FAT4: variants seen among roughly 807,000 people sequenced by gnomAD.
FAT4 encodes the protein protocadherin Fat 4.
Under a neutral mutation model 303.9 loss-of-function variants are expected in FAT4, and 84 were observed. The ratio of observed to expected loss-of-function variants is 0.28; its 90% CI spans 0.23 to 0.33. The LOEUF is 0.33. Among genes scored for constraint, FAT4 ranks in the 10% least tolerant of loss-of-function variants. FAT4 has a pLI of 1.00. For missense variants in FAT4, 6,005 were observed against 6,146.8 expected (o/e 0.98, Z 0.77); for synonymous variants, 2,307 against 2,298.8 (o/e 1.00, Z -0.10).
At chr4:125,468,419 A>T (rs1220380980) in intron 11 of FAT4, 93 bp from the exon 12 acceptor site, 1 of 917,622 alleles carries the variant, frequency 1.1e-6, no homozygotes, top group Non-Finnish European at 1.5e-6. Flanking sequence ...GTTAAAAGAT[A>T]TCTCATTTTA....
Position 125,449,983 on chromosome 4 carries a change from C to A in FAT4, c.8973C>A (p.Phe2991Leu), listed in dbSNP as rs1725990361. ...NAPQFLKSKYFTPVTKNVKVG... is the reference protein window; with the variant it reads ...NAPQFLKSKYLTPVTKNVKVG... Reference sequence around the variant, plus strand: ...CTCAATTTCTTAAAAGTAAATATTTCACTCCAGTCACCAAAAATGTTAAGG... The same window carrying A: ...CTCAATTTCTTAAAAGTAAATATTTAACTCCAGTCACCAAAAATGTTAAGG... The change falls in exon 10 of 18, where the codon TTC (phenylalanine) becomes TTA (leucine). Residue 2991 changes from phenylalanine to leucine, a missense_variant. By Grantham distance (22) the Phe-to-Leu change is conservative. Coordinates refer to ENST00000394329, the MANE Select transcript of FAT4 (RefSeq NM_001291303.3). 2.5e-6 allele frequency: 4 copies of A among 1,613,788 alleles called. No individual in the cohort carries two copies. Among genetic ancestry groups the A allele is most frequent in the Non-Finnish European group, 3.4e-6 (4 of 1,179,894 alleles).
Position 125,452,266 on chromosome 4 carries a change from G to A in FAT4, c.11256G>A (p.Leu3752=), listed in dbSNP as rs372230232. ...CAGGCTTAGGGACTGCTGTGCAACT[G>A]TACAGTGCATATGAAGAGAACAATA... ...QLTGLGTAVQ[L]YSAYEENNRT... is the part of the protein sequence containing the mutation. The change falls in exon 10 of 18, where the codon CTG becomes CTA. Residue 3752 remains leucine (L), a synonymous_variant. Transcript: ENST00000394329. 1.9e-6 allele frequency: 3 copies of A among 1,614,104 alleles called. No homozygotes were observed. Among genetic ancestry groups the A allele is most frequent in the Non-Finnish European group, 2.5e-6 (3 of 1,180,042 alleles).
intron 2 of FAT4, among the ~76,000 whole-genome samples, chr4:125,339,275 TG>T (rs1731684976): frequency 6.6e-6 from 1 of 151,322 alleles, no homozygotes; most frequent in East Asian, 1.9e-4. Flanking sequence ...GCGATTCTCC[TG>T]CCTCAGCCTC....
rs1730763875 is a variant in FAT4 at position 125,318,707 on chromosome 4, A to G, written c.2296A>G (p.Thr766Ala). The G allele has an allele frequency of 6.2e-7, 1 of 1,613,992 alleles. No homozygotes were observed. Among genetic ancestry groups the G allele is most frequent in the African/African-American group, 1.3e-5 (1 of 74,934 alleles). Residue 766 changes from threonine (T) to alanine (A), a missense_variant, in exon 2 of 18, where the codon ACT (threonine) becomes GCT (alanine). Coordinates refer to ENST00000394329, the MANE Select transcript of FAT4 (RefSeq NM_001291303.3). ...AGCTTATCAGTTGCAAATAGTAGCT[A>G]CTGATGGTGGCAATTTACAATCTCC... ...KTAYQLQIVA[T>A]DGGNLQSPNQ... is the part of the protein sequence containing the mutation.
intron 2 of FAT4, among the ~76,000 whole-genome samples, chr4:125,329,021 G>A (rs916274175): frequency 6.6e-6 from 1 of 152,076 alleles, no homozygotes; most frequent in Non-Finnish European, 1.5e-5. Flanking sequence ...CCAGTAGTAG[G>A]ATTACTTTAG....
chr4:125,479,354 G>A (rs1386038398), intron 14 of FAT4, among the ~76,000 whole-genome samples: 3 of 151,970 alleles, frequency 2.0e-5, no homozygotes, highest in Non-Finnish European at 4.4e-5. Flanking sequence ...TTAGCATATG[G>A]TAGGCATTCA....
intron 14 of FAT4, among the ~76,000 whole-genome samples, chr4:125,478,172 C>A (rs1175880803): frequency 6.6e-6 from 1 of 152,068 alleles, no homozygotes; most frequent in Admixed American, 6.5e-5. Context: ...AAAGGCAAAG[C>A]TAGGAATACT....
At chr4:125,403,681 T>C (rs1734475522) in intron 3 of FAT4, among the ~76,000 whole-genome samples, 1 of 152,114 alleles carries the variant, frequency 6.6e-6, no homozygotes, top group Non-Finnish European at 1.5e-5. Context: ...AAATTTCACT[T>C]CCTATTTATC....
chr4:125,410,472 C>A (rs1481958809), intron 5 of FAT4, among the ~76,000 whole-genome samples: 1 of 152,088 alleles, frequency 6.6e-6, no homozygotes, highest in East Asian at 1.9e-4. Context: ...GGTTTATCTG[C>A]TATAACTTTT....
chr4:125,454,601 A>T (rs985838004), intron 10 of FAT4, among the ~76,000 whole-genome samples: 1 of 152,190 alleles, frequency 6.6e-6, no homozygotes, highest in African/African-American at 2.4e-5. Context: ...TGGGAGGCTG[A>T]GGCAGGTGGA....
chr4:125,487,597 G>A lies in FAT4; in HGVS notation c.13075G>A (p.Ala4359Thr), dbSNP rs368628139. 8 of 1,603,392 alleles carry A rather than the reference G, an allele frequency of 5.0e-6. No individual in the cohort carries two copies. The Admixed American group carries it at 1.4e-4, about 27-fold the overall frequency. Residue 4359 changes from alanine to threonine, a missense_variant, in exon 17 of 18, where the codon GCC becomes ACC. By Grantham distance (58) the Ala-to-Thr change is moderately conservative. Coordinates refer to ENST00000394329, the MANE Select transcript of FAT4 (RefSeq NM_001291303.3). ...TCCACCCAATCAAGCACATCGAGAT[G>A]CCCAAACAGGTAAATGCCTTTATTA... ...GIPPNQAHRD[A>T]QTAGFDGCIA...
At chr4:125,457,498 A>G (rs1209234317) in intron 10 of FAT4, among the ~76,000 whole-genome samples, 1 of 152,140 alleles carries the variant, frequency 6.6e-6, no homozygotes, top group African/African-American at 2.4e-5. Flanking sequence ...ATGAATTTGT[A>G]TAACATGTAT....
chr4:125,436,211 A>G (rs1026729689), intron 8 of FAT4, among the ~76,000 whole-genome samples: 1 of 152,100 alleles, frequency 6.6e-6, no homozygotes, highest in Non-Finnish European at 1.5e-5. Context: ...AAACAAAGAA[A>G]TTGGACGTGA....
intron 9 of FAT4, among the ~76,000 whole-genome samples, chr4:125,448,055 A>G (rs1243164992): frequency 6.6e-6 from 1 of 152,110 alleles, no homozygotes; most frequent in African/African-American, 2.4e-5. Context: ...CACTAGAGCA[A>G]CGGTATCATT....
rs1385550190 is a variant in FAT4 at position 125,479,424 on chromosome 4, G to T, written c.12480-317G>T. Among the ~76,000 whole-genome samples, 5 of 152,066 alleles carry T rather than the reference G, an allele frequency of 3.3e-5. No homozygotes were observed. The East Asian group carries it at 9.6e-4, about 29-fold the overall frequency. Reference sequence around the variant, plus strand: ...TGTGTCAAAAAATATGTGGTCCCTGGATCATATGTATTAACCAAAGTGTTT... The same window carrying T: ...TGTGTCAAAAAATATGTGGTCCCTGTATCATATGTATTAACCAAAGTGTTT... On this transcript the variant is annotated intron_variant, in intron 14 of 17. Coordinates refer to ENST00000394329, the MANE Select transcript of FAT4 (RefSeq NM_001291303.3).
chr4:125,449,787 C>T lies in FAT4; in HGVS notation c.8777C>T (p.Thr2926Ile). Residue 2926 changes from threonine (T) to isoleucine (I), a missense_variant, in exon 10 of 18, where the codon ACT (threonine) becomes ATT (isoleucine). By Grantham distance (89) the Thr-to-Ile change is moderately conservative (BLOSUM62 -1). Transcript: ENST00000394329. ...QSEYFRINATTGEIFNKQILK... is the reference protein window; with the variant it reads ...QSEYFRINATIGEIFNKQILK... The stretch of plus-strand genomic sequence containing the variant: ...GAATATTTCAGGATTAATGCCACCA[C>T]TGGAGAGATTTTCAATAAACAGATC... 6.2e-7 allele frequency: 1 copy of T among 1,613,774 alleles called. No homozygotes were observed. Among genetic ancestry groups the T allele is most frequent in the Non-Finnish European group, 8.5e-7 (1 of 1,179,888 alleles).
intron 2 of FAT4, among the ~76,000 whole-genome samples, chr4:125,338,990 A>G (rs1013969772): frequency 2.0e-5 from 3 of 152,004 alleles, no homozygotes; most frequent in African/African-American, 7.2e-5. Flanking sequence ...ATCAGTCCTG[A>G]TGTGCTTTCC....
intron 2 of FAT4, among the ~76,000 whole-genome samples, chr4:125,378,356 T>C (rs1319251919): frequency 6.6e-6 from 1 of 152,098 alleles, no homozygotes; most frequent in Non-Finnish European, 1.5e-5. Flanking sequence ...GTAACTCCTA[T>C]AGAAATATTT....
intron 7 of FAT4, among the ~76,000 whole-genome samples, chr4:125,419,470 T>C (rs1232695798): frequency 6.6e-6 from 1 of 152,214 alleles, no homozygotes; most frequent in Non-Finnish European, 1.5e-5. Flanking sequence ...TAGTCTAAGC[T>C]GGGGTAGTAT....
Sources: allele counts gnomAD v4.1 joint callset (sites outside exome capture counted in the v4.1 genomes callset), GRCh38; gene constraint gnomAD v4.1.1; transcripts MANE v1.5; gene names NCBI Gene and HGNC (gene_info 2026-07-23, HGNC 2026-07-21).